Variants in CDH13 observed in about 807,000 individuals in gnomAD.
CDH13 encodes cadherin 13.
A neutral mutation model predicts 63.8 loss-of-function variants in CDH13; 24 were observed. The observed-to-expected ratio is 0.38, with a 90% CI of 0.27 to 0.53. The LOEUF (loss-of-function observed/expected upper bound fraction) is 0.53. CDH13 is among the 20% of genes least tolerant of loss of function. The pLI is 0.85. For missense variants in CDH13, 1,049 were observed against 903.1 expected, an observed-to-expected ratio of 1.16 and a Z score of -2.07; for synonymous variants, 503 against 355.3, an observed-to-expected ratio of 1.42 and a Z score of -4.67.
At chr16:83,008,336 G>T (rs748418935) in intron 2 of CDH13, among the ~76,000 whole-genome samples, 16 of 152,190 alleles carry the variant, frequency 1.1e-4, no homozygotes, top group Non-Finnish European at 2.2e-4. Flanking sequence ...ATGCCAGAAG[G>T]AAGTTAGGAA....
At chr16:83,152,613 C>T in intron 4 of CDH13, among the ~76,000 whole-genome samples, 1 of 152,106 alleles carries the variant, frequency 6.6e-6, no homozygotes, top group East Asian at 1.9e-4. Context: ...CAATCTGGGA[C>T]AGGTTTCAGA....
intron 2 of CDH13, among the ~76,000 whole-genome samples, chr16:83,008,202 C>T (rs1033321091): frequency 6.6e-5 from 10 of 151,904 alleles, no homozygotes; most frequent in African/African-American, 2.2e-4. Flanking sequence ...CTATGGGATA[C>T]GTTTTAATAA....
intron 9 of CDH13, among the ~76,000 whole-genome samples, chr16:83,672,043 A>G (rs58286433): frequency 1.6e-3 from 238 of 152,314 alleles, no homozygotes; most frequent in African/African-American, 5.2e-3. Context: ...GCAGGGATCA[A>G]TTGTATTTAT....
intron 5 of CDH13, among the ~76,000 whole-genome samples, chr16:83,280,361 A>T (rs1329059674): frequency 6.6e-6 from 1 of 152,224 alleles, no homozygotes; most frequent in Non-Finnish European, 1.5e-5. Flanking sequence ...CTTATCCATA[A>T]GAGCAATTCT....
At chr16:83,685,747 C>G (rs1904302498) in intron 10 of CDH13, among the ~76,000 whole-genome samples, 1 of 152,186 alleles carries the variant, frequency 6.6e-6, no homozygotes, top group African/African-American at 2.4e-5. Flanking sequence ...CAGAGTGGCA[C>G]AAATTGCTTC....
chr16:83,290,095 C>G (rs8054725), intron 5 of CDH13, among the ~76,000 whole-genome samples: 1 of 152,154 alleles, frequency 6.6e-6, no homozygotes, highest in Non-Finnish European at 1.5e-5. Flanking sequence ...TTTTCTGTCA[C>G]CTTCTTTCAG....
intron 7 of CDH13, among the ~76,000 whole-genome samples, chr16:83,526,550 G>A (rs529265661): frequency 1.3e-4 from 20 of 152,252 alleles, no homozygotes; most frequent in Middle Eastern, 3.4e-3. Flanking sequence ...ACAGGATACC[G>A]AGCTCAGATG....
intron 8 of CDH13, among the ~76,000 whole-genome samples, chr16:83,607,239 G>A (rs918540213): frequency 1.3e-5 from 2 of 152,184 alleles, no homozygotes; most frequent in East Asian, 3.9e-4. Context: ...CCAATATGGT[G>A]AAACCCTGTC....
At chr16:83,242,305 T>G (rs1904539013) in intron 5 of CDH13, among the ~76,000 whole-genome samples, 2 of 152,190 alleles carry the variant, frequency 1.3e-5, no homozygotes, top group Admixed American at 1.3e-4. Context: ...AACCAAAAGA[T>G]GGACAGATTG....
chr16:82,733,286 A>G (rs1260881323), intron 1 of CDH13, among the ~76,000 whole-genome samples: 2 of 152,216 alleles, frequency 1.3e-5, no homozygotes, highest in East Asian at 1.9e-4. Flanking sequence ...TAAAGTTATC[A>G]GCCCAGCAGC....
intron 7 of CDH13, among the ~76,000 whole-genome samples, chr16:83,512,483 A>G (rs1489577767): frequency 6.6e-6 from 1 of 151,000 alleles, no homozygotes; most frequent in African/African-American, 2.4e-5. Flanking sequence ...AGCCTGGCCA[A>G]TATGATGAAA....
At chr16:83,087,159 C>G (rs1262425630) in intron 3 of CDH13, among the ~76,000 whole-genome samples, 1 of 152,088 alleles carries the variant, frequency 6.6e-6, no homozygotes, top group Non-Finnish European at 1.5e-5. Context: ...GAAAATAATT[C>G]CAGCAAAGTA....
chr16:83,434,423 A>C (rs1253287103), intron 6 of CDH13, among the ~76,000 whole-genome samples: 1 of 152,074 alleles, frequency 6.6e-6, no homozygotes, highest in African/African-American at 2.4e-5. Context: ...CTGAAATATA[A>C]AGCAGTGTCT....
chr16:82,915,608 A>G (rs1375829400), intron 2 of CDH13, among the ~76,000 whole-genome samples: 2 of 151,858 alleles, frequency 1.3e-5, no homozygotes, highest in African/African-American at 2.4e-5. Flanking sequence ...AGCACCTAAA[A>G]TATCCTCCCA....
chr16:82,916,266 A>G (rs1044350232), intron 2 of CDH13, among the ~76,000 whole-genome samples: 3 of 152,148 alleles, frequency 2.0e-5, no homozygotes, highest in Non-Finnish European at 4.4e-5. Context: ...AGATTCGTGT[A>G]AAATGATTCA....
intron 1 of CDH13, among the ~76,000 whole-genome samples, chr16:82,854,984 G>GTGAA (rs2039630679): frequency 6.6e-6 from 1 of 152,090 alleles, no homozygotes; most frequent in South Asian, 2.1e-4. Context: ...TGAGGAGTGA[G>GTGAA]TGAATGAATG....
intron 10 of CDH13, among the ~76,000 whole-genome samples, chr16:83,730,028 A>G (rs924092466): frequency 6.6e-6 from 1 of 152,220 alleles, no homozygotes; most frequent in East Asian, 1.9e-4. Context: ...TGCTATACAC[A>G]TACCTACCTA....
intron 3 of CDH13, among the ~76,000 whole-genome samples, chr16:83,117,176 C>T (rs1391655509): frequency 6.6e-6 from 1 of 152,234 alleles, no homozygotes; most frequent in African/African-American, 2.4e-5. Context: ...TTCCAGGGCT[C>T]ACTCCTCATG....
intron 8 of CDH13, among the ~76,000 whole-genome samples, chr16:83,647,183 G>A (rs547199449): frequency 3.3e-5 from 5 of 151,718 alleles, no homozygotes; most frequent in Non-Finnish European, 7.4e-5. Flanking sequence ...GGTGGCAGGC[G>A]CCTGTAGTCC....
Sources: allele counts gnomAD v4.1 joint callset (sites outside exome capture counted in the v4.1 genomes callset), GRCh38; gene constraint gnomAD v4.1.1; transcripts MANE v1.5; gene names NCBI Gene and HGNC (gene_info 2026-07-23, HGNC 2026-07-21).